NWD2: variants seen among roughly 807,000 people sequenced by gnomAD.
NWD2 encodes the protein NACHT and WD repeat domain-containing protein 2.
A neutral mutation model predicts 132.7 loss-of-function variants in NWD2; 37 were observed. The ratio of observed to expected loss-of-function variants is 0.28; its 90% CI spans 0.21 to 0.37. The LOEUF (loss-of-function observed/expected upper bound fraction) is 0.37. Ranked by LOEUF, NWD2 falls within the 10% of genes least tolerant of loss-of-function variation. NWD2 has a pLI of 1.00. For missense variants in NWD2, 1,592 were observed against 2,122.4 expected, an observed-to-expected ratio of 0.75 and a Z score of 4.91; for synonymous variants, 705 against 803.0, an observed-to-expected ratio of 0.88 and a Z score of 2.06.
intron 2 of NWD2, among the ~76,000 whole-genome samples, chr4:37,353,651 T>G (rs570537879): frequency 6.6e-6 from 1 of 152,134 alleles, no homozygotes; most frequent in East Asian, 1.9e-4. Flanking sequence ...TTGATACTTG[T>G]GTATGCTTCA....
intron 3 of NWD2, among the ~76,000 whole-genome samples, chr4:37,369,414 C>T (rs946365659): frequency 3.9e-5 from 6 of 152,040 alleles, no homozygotes; most frequent in Admixed American, 6.6e-5. Flanking sequence ...ACCCTTCTCC[C>T]CCACTTCCCT....
chr4:37,264,720 C>A (rs2109260620), intron 1 of NWD2, among the ~76,000 whole-genome samples: 1 of 152,070 alleles, frequency 6.6e-6, no homozygotes, highest in East Asian at 1.9e-4. Context: ...CAGAATCTAG[C>A]CCTTTTTTAT....
At chr4:37,346,281 A>T (rs1719634719) in intron 2 of NWD2, among the ~76,000 whole-genome samples, 1 of 152,156 alleles carries the variant, frequency 6.6e-6, no homozygotes, top group South Asian at 2.1e-4. Flanking sequence ...TGGATGTGAC[A>T]TTGAATTGTT....
chr4:37,375,662 G>A (rs372724953), intron 3 of NWD2, among the ~76,000 whole-genome samples: 3 of 150,528 alleles, frequency 2.0e-5, no homozygotes, highest in South Asian at 2.1e-4. Context: ...TCCGCCTCCC[G>A]GGTTCACACC....
intron 1 of NWD2, among the ~76,000 whole-genome samples, chr4:37,306,097 CA>C (rs1456284804): frequency 6.6e-6 from 1 of 151,992 alleles, no homozygotes; most frequent in Non-Finnish European, 1.5e-5. Context: ...GAAATTTATT[CA>C]TTTTTTGTAG....
At position 37,440,103 on chromosome 4, in the gene NWD2, G is replaced by A. The variant is rs78531052; in HGVS notation, c.1296+713G>A. Among the ~76,000 whole-genome samples, 413 of 152,092 alleles carry A rather than the reference G, an allele frequency of 2.7e-3. 2 individuals carry two copies. Among genetic ancestry groups the A allele is most frequent in the African/African-American group, 7.1e-3 (295 of 41,466 alleles). ...GCTTCCTGGAGGTCCTTCCCCTCCCGTACCTCTGCCCTATCTTCCCTGAGC... is the reference window on the plus strand; with the variant it reads ...GCTTCCTGGAGGTCCTTCCCCTCCCATACCTCTGCCCTATCTTCCCTGAGC... On this transcript the variant is annotated intron_variant, in intron 6 of 6. Coordinates refer to ENST00000309447, the MANE Select transcript of NWD2 (RefSeq NM_001144990.2).
At chr4:37,254,969 G>A (rs1227315021) in intron 1 of NWD2, among the ~76,000 whole-genome samples, 1 of 152,148 alleles carries the variant, frequency 6.6e-6, no homozygotes, top group South Asian at 2.1e-4. Flanking sequence ...TATTTAATCT[G>A]ATCTATTACA....
At chr4:37,268,583 A>G (rs1717806416) in intron 1 of NWD2, among the ~76,000 whole-genome samples, 1 of 151,928 alleles carries the variant, frequency 6.6e-6, no homozygotes, top group African/African-American at 2.4e-5. Context: ...TTGAATGTTG[A>G]TAAGACAATT....
At chr4:37,282,464 G>T (rs1718147444) in intron 1 of NWD2, among the ~76,000 whole-genome samples, 1 of 152,124 alleles carries the variant, frequency 6.6e-6, no homozygotes, top group African/African-American at 2.4e-5. Context: ...GAGTTTGTAG[G>T]TATAAAAATA....
At chr4:37,393,085 G>C (rs867570940) in intron 3 of NWD2, among the ~76,000 whole-genome samples, 6 of 152,096 alleles carry the variant, frequency 3.9e-5, no homozygotes, top group Non-Finnish European at 5.9e-5. Flanking sequence ...TCTGATCCAC[G>C]GCGCCTCAGG....
chr4:37,328,743 C>G (rs922793696), intron 2 of NWD2, among the ~76,000 whole-genome samples: 7 of 152,138 alleles, frequency 4.6e-5, no homozygotes, highest in Non-Finnish European at 8.8e-5. Context: ...ATTCCAGAAA[C>G]CAGAACGCCT....
At chr4:37,329,356 A>G (rs939191124) in intron 2 of NWD2, among the ~76,000 whole-genome samples, 1 of 152,176 alleles carries the variant, frequency 6.6e-6, no homozygotes, top group Admixed American at 6.5e-5. Flanking sequence ...TTATTGAATA[A>G]ATGCTTCGGT....
rs530741478 is a variant in NWD2, at chr4:37,314,214, A to C, written c.152-11722A>C. Among the ~76,000 whole-genome samples, 18 of 152,336 alleles carry C rather than the reference A, an allele frequency of 1.2e-4. No individual in the cohort carries two copies. In the South Asian group the frequency reaches 3.7e-3, roughly 32 times the overall value. On this transcript the variant is annotated intron_variant, in intron 1 of 6. Coordinates refer to ENST00000309447, the MANE Select transcript of NWD2 (RefSeq NM_001144990.2). ...ACTAATAGTTTGTTAAGGACTTTGCATCTATATTCATGATGGATATATTGG... is the reference window on the plus strand; with the variant it reads ...ACTAATAGTTTGTTAAGGACTTTGCCTCTATATTCATGATGGATATATTGG...
chr4:37,426,754 G>A (rs1259017332), intron 3 of NWD2, among the ~76,000 whole-genome samples: 2 of 152,090 alleles, frequency 1.3e-5, no homozygotes, highest in Admixed American at 1.3e-4. Flanking sequence ...ATCTGAGAAT[G>A]GACCTAGCAA....
At chr4:37,356,197 C>T (rs1305132166) in intron 2 of NWD2, among the ~76,000 whole-genome samples, 169 bp from the exon 3 acceptor site, 1 of 152,160 alleles carries the variant, frequency 6.6e-6, no homozygotes, top group African/African-American at 2.4e-5. Context: ...GGTTCATTCC[C>T]AACCCATCAT....
chr4:37,253,750 A>G (rs1717446611), intron 1 of NWD2, among the ~76,000 whole-genome samples: 1 of 152,092 alleles, frequency 6.6e-6, no homozygotes, highest in Admixed American at 6.5e-5. Context: ...TCTATAAATA[A>G]GTTGTTTAAA....
In NWD2 at chr4:37,320,217, A is replaced by G. The variant is rs181528200; in HGVS notation, c.152-5719A>G. Among the ~76,000 whole-genome samples the G allele has an allele frequency of 3.9e-5, 6 of 152,232 alleles. No individual in the cohort carries two copies. The East Asian group carries it at 1.2e-3, about 29-fold the overall frequency. On this transcript the variant is annotated intron_variant, in intron 1 of 6. Transcript: ENST00000309447. ...CTGATAGGACCTTCTGAGCATGGAAAGCAGTTTGTGTGAGGGCAAAGTTCA... is the reference window on the plus strand; with the variant it reads ...CTGATAGGACCTTCTGAGCATGGAAGGCAGTTTGTGTGAGGGCAAAGTTCA...
chr4:37,245,550 T>C (rs1175293824), intron 1 of NWD2, among the ~76,000 whole-genome samples: 6 of 61,416 alleles, frequency 9.8e-5, no homozygotes, highest in Non-Finnish European at 2.0e-4. Context: ...TCCCCCGCCC[T>C]TTTTTTTTTT....
At chr4:37,305,273 G>T (rs565052639) in intron 1 of NWD2, among the ~76,000 whole-genome samples, 1 of 152,332 alleles carries the variant, frequency 6.6e-6, no homozygotes, top group South Asian at 2.1e-4. Flanking sequence ...CTCCAGGCCT[G>T]TGATGGGAAG....
Sources: gnomAD v4.1 joint callset for allele counts (sites outside exome capture counted in the v4.1 genomes callset) on GRCh38, gnomAD v4.1.1 for gene constraint, MANE v1.5 for transcripts, NCBI Gene and HGNC (gene_info 2026-07-23, HGNC 2026-07-21) for gene names.